The following TMEM164 variants were observed in gnomAD, a reference collection of about 807,000 sequenced individuals.
TMEM164 encodes RP13-360B22.2.
TMEM164 carries 4 observed loss-of-function variants against 18.8 expected under a neutral mutation model. The ratio of observed to expected loss-of-function variants is 0.21; its 90% CI spans 0.10 to 0.49. TMEM164 has a LOEUF of 0.49. Among genes scored for constraint, TMEM164 ranks in the 20% least tolerant of loss-of-function variants. The pLI is 0.98. For synonymous variants in TMEM164, 86 were observed against 101.7 expected (o/e 0.85, Z 0.93); for missense variants, 108 against 239.9 (o/e 0.45, Z 3.63).
At chrX:110,088,366 C>G (rs2065882509) in intron 3 of TMEM164, among the ~76,000 whole-genome samples, 1 of 112,102 alleles carries the variant, frequency 8.9e-6, no homozygotes. Context: ...GGCACCTTCA[C>G]CTCGGAGGTG....
chrX:110,013,394 G>A (rs1333524102), intron 2 of TMEM164, among the ~76,000 whole-genome samples: 2 of 112,142 alleles, frequency 1.8e-5, no homozygotes, highest in African/African-American at 3.2e-5. Context: ...AAAAAGGCTG[G>A]TAGTCAGGTG....
At chrX:110,031,456 A>C (rs972643681) in intron 2 of TMEM164, among the ~76,000 whole-genome samples, 1 of 110,820 alleles carries the variant, frequency 9.0e-6, no homozygotes, top group African/African-American at 3.3e-5. Flanking sequence ...AGTAGCTGGG[A>C]CTACAGATGC....
intron 2 of TMEM164, among the ~76,000 whole-genome samples, chrX:110,030,053 C>T (rs993437144): frequency 2.8e-5 from 3 of 105,360 alleles, no homozygotes; most frequent in Non-Finnish European, 5.8e-5. Context: ...TTCTGGTAAT[C>T]TGTCTCCCTG....
Position 110,076,010 on chromosome X carries a change from T to A in TMEM164, c.440+8614T>A, listed in dbSNP as rs1465368654. On this transcript the variant is annotated intron_variant, in intron 3 of 6. Coordinates refer to ENST00000372068, the MANE Select transcript of TMEM164 (RefSeq NM_032227.4). ...GGGAGGAGTCTCTCCTCCTTGATTT[T>A]TTTTTTTTTTTTTTTGTAATAGTAA... Among the ~76,000 whole-genome samples the A allele has an allele frequency of 3.1e-5, 3 of 97,685 alleles. No homozygotes were observed. The Admixed American group carries it at 3.3e-4, about 11-fold the overall frequency. 84.8% of individuals were successfully genotyped at this position (97,685 alleles called of 115,157 possible). A position where few individuals can be genotyped will look rare whatever the true frequency, so the allele number is the denominator to read the frequency against.
At chrX:110,095,272 G>A (rs1295304974) in intron 3 of TMEM164, among the ~76,000 whole-genome samples, 1 of 112,078 alleles carries the variant, frequency 8.9e-6, no homozygotes, top group Non-Finnish European at 1.9e-5. Flanking sequence ...GCTGCAGAGT[G>A]TTTTCCAACT....
At chrX:110,019,969 C>G (rs1438914723) in intron 2 of TMEM164, among the ~76,000 whole-genome samples, 1 of 112,228 alleles carries the variant, frequency 8.9e-6, no homozygotes, top group African/African-American at 3.2e-5. Flanking sequence ...GTTTATGCTG[C>G]ACTGTTAGAC....
chrX:110,063,166 C>T (rs1002025532), intron 2 of TMEM164, among the ~76,000 whole-genome samples: 3 of 111,497 alleles, frequency 2.7e-5, no homozygotes, highest in Non-Finnish European at 3.8e-5. Flanking sequence ...AAACACCACT[C>T]TCCTGTACCT....
chrX:110,161,280 C>T (rs1364155415), intron 5 of TMEM164, among the ~76,000 whole-genome samples: 3 of 111,934 alleles, frequency 2.7e-5, no homozygotes, highest in Non-Finnish European at 5.6e-5. Flanking sequence ...CCTGTTTCTC[C>T]TCCATACCAT....
rs1420433536 is a variant in TMEM164 at position 110,175,679 on chromosome X, G to A, written c.*2228G>A. 5.7e-6 allele frequency: 4 copies of A among 703,084 alleles called. No homozygotes were observed. In the African/African-American group the frequency reaches 9.4e-5, roughly 17 times the overall value. The allele number at this position is 703,084 out of a possible 1,213,427, so 57.9% of individuals were successfully genotyped here. ...CCTGTCAGAGGAAGGAAGAAGTAAA[G>A]GGGGCATGCAGGGCTTTTGGGGGCC... On this transcript the variant is annotated 3_prime_UTR_variant, in exon 7 of 7. Transcript: ENST00000372068.
intron 4 of TMEM164, among the ~76,000 whole-genome samples, chrX:110,141,978 G>A (rs932366076): frequency 2.7e-5 from 3 of 111,839 alleles, no homozygotes; most frequent in Non-Finnish European, 3.8e-5. Context: ...GCCCCCTGAA[G>A]TAGAGAAGTC....
Position 110,109,125 on chromosome X carries a change from T to C in TMEM164, c.486T>C (p.Phe162=), listed in dbSNP as rs767806786. Residue 162 remains phenylalanine, a synonymous_variant, in exon 4 of 7, where the codon TTT becomes TTC. Coordinates refer to ENST00000372068, the MANE Select transcript of TMEM164 (RefSeq NM_032227.4). The part of the protein sequence containing the change: ...MLNGALLALL[F]PVVNTRLLPF... ...ATGGAGCTCTTCTGGCATTGCTGTT[T>C]CCTGTGGTAAACACTCGGCTGGTAA... 1.2e-4 allele frequency: 145 copies of C among 1,209,689 alleles called. 1 individual carries two copies. Among genetic ancestry groups the C allele is most frequent in the Non-Finnish European group, 5.6e-6 (5 of 894,893 alleles).
intron 5 of TMEM164, 54 bp from the exon 6 acceptor site, chrX:110,171,366 A>T: frequency 2.2e-6 from 2 of 927,445 alleles, no homozygotes; most frequent in East Asian, 3.1e-5. Context: ...TCATGGTACA[A>T]AGGTGAAGTG....
At chrX:110,095,324 C>T (rs1019108263) in intron 3 of TMEM164, among the ~76,000 whole-genome samples, 139 of 111,997 alleles carry the variant, frequency 1.2e-3, no homozygotes, top group Non-Finnish European at 1.4e-3. Flanking sequence ...ACCAATCAGA[C>T]GTAGATTTGG....
intron 3 of TMEM164, among the ~76,000 whole-genome samples, chrX:110,092,028 G>T (rs906906067): frequency 9.0e-6 from 1 of 111,575 alleles, no homozygotes; most frequent in African/African-American, 3.3e-5. Flanking sequence ...TAGATGTGTG[G>T]TGCTATTTCT....
At chrX:110,052,745 GTTTTTTTTT>G (rs34292132) in intron 2 of TMEM164, among the ~76,000 whole-genome samples, 3 of 68,817 alleles carry the variant, frequency 4.4e-5, no homozygotes, top group Non-Finnish European at 8.1e-5. Context: ...ACATGCATCT[GTTTTTTTTT>G]TTTTTTTTTT....
intron 5 of TMEM164, among the ~76,000 whole-genome samples, chrX:110,162,595 A>G (rs914875312): frequency 8.9e-6 from 1 of 112,172 alleles, no homozygotes; most frequent in Non-Finnish European, 1.9e-5. Context: ...TGCCTGGATG[A>G]GGGGAAACCT....
At chrX:110,030,556 C>T (rs981311725) in intron 2 of TMEM164, among the ~76,000 whole-genome samples, 15 of 108,323 alleles carry the variant, frequency 1.4e-4, no homozygotes, top group African/African-American at 5.0e-4. Flanking sequence ...CAGTGGCTCA[C>T]ACCTGTAATC....
At chrX:110,016,948 C>T (rs1933414954) in intron 2 of TMEM164, among the ~76,000 whole-genome samples, 1 of 111,908 alleles carries the variant, frequency 8.9e-6, no homozygotes, top group African/African-American at 3.2e-5. Context: ...TGAGCCACCA[C>T]ACCTGGCCTG....
At chrX:110,084,424 TA>T (rs1160426056) in intron 3 of TMEM164, among the ~76,000 whole-genome samples, 190 of 94,168 alleles carry the variant, frequency 2.0e-3, no homozygotes, top group African/African-American at 7.1e-3. Flanking sequence ...TATATATATA[TA>T]GTATAGTATA....
Sources: allele counts gnomAD v4.1 joint callset (sites outside exome capture counted in the v4.1 genomes callset), GRCh38; gene constraint gnomAD v4.1.1; transcripts MANE v1.5; gene names NCBI Gene and HGNC (gene_info 2026-07-23, HGNC 2026-07-21).